DLC1: variants seen among roughly 807,000 people sequenced by gnomAD.
The protein encoded by DLC1 is rho GTPase-activating protein 7.
Under a neutral mutation model 140.3 loss-of-function variants are expected in DLC1, and 54 were observed. The observed-to-expected ratio is 0.38, with a 90% CI of 0.31 to 0.48. DLC1 has a LOEUF of 0.48. Ranked by LOEUF, DLC1 falls within the 20% of genes least tolerant of loss-of-function variation. The pLI is 0.96. For missense variants in DLC1, 2,536 were observed against 1,907.0 expected (o/e 1.33, Z -6.14); for synonymous variants, 986 against 728.1 (o/e 1.35, Z -5.70).
intron 4 of DLC1, among the ~76,000 whole-genome samples, chr8:13,315,569 C>A (rs1832833220): frequency 6.6e-6 from 1 of 152,158 alleles, no homozygotes; most frequent in Non-Finnish European, 1.5e-5. Context: ...CTTTCAATTG[C>A]CTGCGTTTGA....
At chr8:13,497,773 A>T (rs1801580180) in intron 2 of DLC1, among the ~76,000 whole-genome samples, 1 of 152,238 alleles carries the variant, frequency 6.6e-6, no homozygotes, top group Non-Finnish European at 1.5e-5. Flanking sequence ...TGATCTAAAC[A>T]GTTTAATCAT....
intron 5 of DLC1, among the ~76,000 whole-genome samples, chr8:13,140,355 C>T (rs1272759153): frequency 6.6e-6 from 1 of 151,998 alleles, no homozygotes; most frequent in African/African-American, 2.4e-5. Context: ...ACCTCAGCCT[C>T]TGGAGTAACT....
intron 4 of DLC1, among the ~76,000 whole-genome samples, chr8:13,324,816 A>T (rs758603945): frequency 6.6e-6 from 1 of 152,060 alleles, no homozygotes; most frequent in East Asian, 1.9e-4. Flanking sequence ...CCAAAATGCA[A>T]TTGTATTTTC....
chr8:13,419,462 T>G (rs569399847), intron 2 of DLC1, among the ~76,000 whole-genome samples: 1 of 152,336 alleles, frequency 6.6e-6, no homozygotes, highest in African/African-American at 2.4e-5. Context: ...TCTGCATATG[T>G]TGAGATAATC....
At chr8:13,350,575 G>T (rs2117027821) in intron 4 of DLC1, among the ~76,000 whole-genome samples, 1 of 152,250 alleles carries the variant, frequency 6.6e-6, no homozygotes, top group South Asian at 2.1e-4. Context: ...AATTAGCCGG[G>T]CGTGGTGGTG....
intron 4 of DLC1, among the ~76,000 whole-genome samples, chr8:13,357,274 G>A (rs1223376500): frequency 4.0e-5 from 6 of 151,780 alleles, no homozygotes. Context: ...CTGTCAAACT[G>A]AAAGAAAAGT....
intron 2 of DLC1, among the ~76,000 whole-genome samples, chr8:13,412,132 A>G (rs1368478070): frequency 6.6e-6 from 1 of 152,324 alleles, no homozygotes; most frequent in Admixed American, 6.5e-5. Context: ...AAGACAACCT[A>G]ATAAAATTGG....
rs1802797307 is a variant in DLC1 at position 13,522,533 on chromosome 8, G to A, written c.-125-22337C>T. Reference sequence around the variant, plus strand: ...CCATTTACTCGGGTGGCTGAGGCAGGAGAATCGCTTGAACCCAGGAGACAG... The same window carrying A: ...CCATTTACTCGGGTGGCTGAGGCAGAAGAATCGCTTGAACCCAGGAGACAG... On this transcript the variant is annotated intron_variant, in intron 1 of 1. Transcript: ENST00000631382. Among the ~76,000 whole-genome samples the A allele has an allele frequency of 1.3e-5, 2 of 152,038 alleles. 1 individual carries two copies. The highest frequency in any genetic ancestry group is 4.1e-4 in the South Asian group (2 of 4,828).
chr8:13,200,718 C>T (rs1442232901), intron 5 of DLC1, among the ~76,000 whole-genome samples: 1 of 152,064 alleles, frequency 6.6e-6, no homozygotes, highest in Non-Finnish European at 1.5e-5. Flanking sequence ...GATCCTCCTA[C>T]CTCAGCCTCC....
chr8:13,431,876 G>T (rs1317593541), intron 2 of DLC1, among the ~76,000 whole-genome samples: 4 of 152,140 alleles, frequency 2.6e-5, no homozygotes, highest in South Asian at 4.2e-4. Context: ...ATTCAGGACA[G>T]ATAAAAGGTA....
At chr8:13,223,554 A>C (rs1452370566) in intron 5 of DLC1, among the ~76,000 whole-genome samples, 2 of 152,148 alleles carry the variant, frequency 1.3e-5, no homozygotes, top group Non-Finnish European at 2.9e-5. Context: ...CATAAAACTC[A>C]CCTTAGTTTA....
Position 13,490,050 on chromosome 8 carries a change from C to T in DLC1, c.1023+8999G>A, listed in dbSNP as rs201166369. 2.8e-3 allele frequency among the ~76,000 whole-genome samples: 309 copies of T among 109,988 alleles called. 1 individual carries two copies. Among genetic ancestry groups the T allele is most frequent in the African/African-American group, 8.2e-3 (297 of 36,152 alleles). 72.2% of individuals were successfully genotyped at this position (109,988 alleles called of 152,430 possible). ...ATGAAAGGCTCACAAAGGTTAAATA[C>T]ACCCCCCACTTTAGGTTGTGCTTTT... is the stretch of plus-strand genomic sequence containing the variant. On this transcript the variant is annotated intron_variant, in intron 2 of 17. Transcript: ENST00000276297.
intron 5 of DLC1, among the ~76,000 whole-genome samples, chr8:13,144,070 A>G (rs1823238367): frequency 6.6e-6 from 1 of 152,176 alleles, no homozygotes; most frequent in Non-Finnish European, 1.5e-5. Flanking sequence ...ATTTCTGGGT[A>G]TCTTTATGAG....
chr8:13,092,575 GC>G (rs769550422), intron 13 of DLC1, 36 bp downstream of exon 13: 1 of 1,581,082 alleles, frequency 6.3e-7, no homozygotes. Flanking sequence ...AATGTAGGCT[GC>G]CCCCTGTGTG....
chr8:13,595,833 G>T (rs1805663988), intron 1 of DLC1, among the ~76,000 whole-genome samples: 1 of 151,954 alleles, frequency 6.6e-6, no homozygotes, highest in African/African-American at 2.4e-5. Context: ...ACTCACAAAT[G>T]TTATCAACCT....
intron 5 of DLC1, among the ~76,000 whole-genome samples, chr8:13,290,731 T>C (rs1379208415): frequency 6.6e-6 from 1 of 152,052 alleles, no homozygotes; most frequent in Admixed American, 6.6e-5. Flanking sequence ...AAAGTAAATA[T>C]GGACATCTGG....
chr8:13,353,405 C>T (rs1416407557), intron 4 of DLC1: 1 of 151,640 alleles, frequency 6.6e-6, no homozygotes, highest in Non-Finnish European at 1.5e-5. Flanking sequence ...GCCAGGCGTT[C>T]TGGTTGGTTG....
intron 1 of DLC1, among the ~76,000 whole-genome samples, chr8:13,583,510 C>T (rs944505611): frequency 3.3e-5 from 5 of 152,146 alleles, no homozygotes; most frequent in African/African-American, 7.2e-5. Flanking sequence ...ACTTCCTGTA[C>T]TGAAGTCTTA....
intron 1 of DLC1, among the ~76,000 whole-genome samples, chr8:13,546,511 GCAACTTGAAGTCACCT>G (rs1489351326): frequency 2.6e-5 from 4 of 152,108 alleles, no homozygotes; most frequent in Non-Finnish European, 5.9e-5. Context: ...TATTTTAGGT[GCAACTTGAAGTCACCT>G]TCCAGATGTC....
Sources: allele counts gnomAD v4.1 joint callset (sites outside exome capture counted in the v4.1 genomes callset), GRCh38; gene constraint gnomAD v4.1.1; transcripts MANE v1.5; gene names NCBI Gene and HGNC (gene_info 2026-07-23, HGNC 2026-07-21).